Variants in DNAH8 observed in about 807,000 individuals in gnomAD.
DNAH8 encodes the protein dynein axonemal heavy chain 8, also known as axonemal beta dynein heavy chain 8.
In DNAH8, 382 loss-of-function variants were observed where a neutral mutation model predicts 562.1. The ratio of observed to expected loss-of-function variants is 0.68; its 90% CI spans 0.63 to 0.74. The LOEUF (loss-of-function observed/expected upper bound fraction) is 0.74. Among genes scored for constraint, DNAH8 ranks in the 30% least tolerant of loss-of-function variants. The pLI is 0.00. For missense variants in DNAH8, 5,203 were observed against 5,620.4 expected (o/e 0.93, Z 2.37); for synonymous variants, 1,881 against 1,919.4 (o/e 0.98, Z 0.52).
At chr6:38,742,684 G>C (rs375219725) in intron 8 of DNAH8, among the ~76,000 whole-genome samples, 17 of 152,132 alleles carry the variant, frequency 1.1e-4, no homozygotes, top group African/African-American at 4.1e-4. Flanking sequence ...GATTTAAGCA[G>C]TACGAATAAA....
At chr6:39,009,893 A>AAG (rs1561971996) in intron 89 of DNAH8, among the ~76,000 whole-genome samples, 5 of 152,006 alleles carry the variant, frequency 3.3e-5, no homozygotes, top group African/African-American at 1.2e-4. Flanking sequence ...ATATTTTTAA[A>AAG]TGGATAAATA....
chr6:38,978,137 C>T (rs1421293469), intron 85 of DNAH8, among the ~76,000 whole-genome samples: 57 of 152,182 alleles, frequency 3.7e-4, no homozygotes, highest in Non-Finnish European at 4.3e-4. Flanking sequence ...TTATATATAA[C>T]TCTGTGAGGT....
Position 38,737,966 on chromosome 6 carries a change from C to G in DNAH8, c.1110C>G (p.Ile370Met). 1 of 1,610,162 alleles carries G rather than the reference C, an allele frequency of 6.2e-7. No homozygotes were observed. The highest frequency in any genetic ancestry group is 1.1e-5 in the South Asian group (1 of 90,856). Reference sequence around the variant, plus strand: ...TGCTGATGGTATGGTACAAACAGATCGAACAGGTGAATTGACTCAAACAAT... The same window carrying G: ...TGCTGATGGTATGGTACAAACAGATGGAACAGGTGAATTGACTCAAACAAT... Reference protein sequence around the residue: ...EEVLMVWYKQIEQVLIESEQM... With the variant: ...EEVLMVWYKQMEQVLIESEQM... Residue 370 changes from isoleucine (I) to methionine (M), a missense_variant, in exon 7 of 93, where the codon ATC (isoleucine) becomes ATG (methionine). This residue lies in a region of DNAH8 where 556 missense variants were observed against 496.9 expected (regional missense o/e 1.12). Transcript: ENST00000327475.
intron 14 of DNAH8, among the ~76,000 whole-genome samples, chr6:38,778,674 T>C (rs1246799689): frequency 2.6e-5 from 4 of 152,180 alleles, no homozygotes; most frequent in Non-Finnish European, 5.9e-5. Context: ...TAGCAGAAAG[T>C]CTTTCAACAA....
intron 92 of DNAH8, among the ~76,000 whole-genome samples, chr6:39,027,012 G>A (rs1326793696): frequency 3.9e-5 from 6 of 152,132 alleles, no homozygotes; most frequent in African/African-American, 1.4e-4. Context: ...CTTGAGCCCA[G>A]GAGTTCAAGA....
chr6:38,837,029 T>A lies in DNAH8; in HGVS notation c.4366-913T>A, dbSNP rs190361582. 1.2e-3 allele frequency among the ~76,000 whole-genome samples: 176 copies of A among 152,266 alleles called. 1 individual carries two copies. The highest frequency in any genetic ancestry group is 3.8e-3 in the African/African-American group (159 of 41,554). Reference sequence around the variant, plus strand: ...AGTGTTCACATAGTCCCACTCTTCATAGTGAAGAGTCCTATGGACTCTTCA... The same window carrying A: ...AGTGTTCACATAGTCCCACTCTTCAAAGTGAAGAGTCCTATGGACTCTTCA... On this transcript the variant is annotated intron_variant, in intron 32 of 92. Transcript: ENST00000327475.
Position 38,737,215 on chromosome 6 carries a change from T to C in DNAH8, c.911T>C (p.Ile304Thr), listed in dbSNP as rs138258349. The part of the protein sequence containing the change: ...QSKQGESEKH[I>T]FTETINRYLS... Reference sequence around the variant, plus strand: ...AAGCAGGGAGAATCTGAAAAACATATTTTCACTGAAACCATCAACAGATAT... The same window carrying C: ...AAGCAGGGAGAATCTGAAAAACATACTTTCACTGAAACCATCAACAGATAT... Residue 304 changes from isoleucine to threonine, a missense_variant, in exon 6 of 93, where the codon ATT (isoleucine) becomes ACT (threonine). Coordinates refer to ENST00000327475, the MANE Select transcript of DNAH8 (RefSeq NM_001206927.2). The C allele has an allele frequency of 5.0e-5, 76 of 1,520,660 alleles. No homozygotes were observed. In the African/African-American group the frequency reaches 1.0e-3, roughly 20 times the overall value. The allele number at this position is 1,520,660 out of a possible 1,614,324, so 94.2% of individuals were successfully genotyped here.
chr6:38,861,056 C>A (rs1024215387), intron 43 of DNAH8, among the ~76,000 whole-genome samples: 2 of 151,112 alleles, frequency 1.3e-5, no homozygotes, highest in African/African-American at 4.9e-5. Flanking sequence ...CGTCACAATT[C>A]TTTCCATTAT....
intron 26 of DNAH8, among the ~76,000 whole-genome samples, chr6:38,822,025 G>T (rs1772901702): frequency 6.6e-6 from 1 of 152,136 alleles, no homozygotes; most frequent in South Asian, 2.1e-4. Context: ...TACATATAGT[G>T]ATACACAGGC....
chr6:39,004,641 T>C (rs1765691904), intron 88 of DNAH8, among the ~76,000 whole-genome samples: 1 of 152,222 alleles, frequency 6.6e-6, no homozygotes, highest in Non-Finnish European at 1.5e-5. Context: ...AATATAACGT[T>C]ATAAGATTTC....
chr6:38,918,025 A>T lies in DNAH8; in HGVS notation c.10409A>T (p.Asp3470Val), dbSNP rs772344943. ...TTACTACAGCCATATTTTAATATGG[A>T]TGATTATACTTTTGAAAGTGCCAAA... ...VELLQPYFNM[D>V]DYTFESAKKV... Residue 3470 changes from aspartate to valine, a missense_variant, in exon 70 of 93, where the codon GAT becomes GTT. Around this residue, in one of 6 missense-constraint regions of DNAH8, gnomAD observed 1,399 missense variants for 1,518.4 expected, o/e 0.92. Transcript: ENST00000327475. 1 of 1,613,158 alleles carries T rather than the reference A, an allele frequency of 6.2e-7. No homozygotes were observed. The highest frequency in any genetic ancestry group is 1.3e-5 in the African/African-American group (1 of 74,882).
At chr6:38,794,345 C>T (rs963890264) in intron 21 of DNAH8, among the ~76,000 whole-genome samples, 1 of 151,754 alleles carries the variant, frequency 6.6e-6, no homozygotes, top group African/African-American at 2.4e-5. Flanking sequence ...AAAACAAAGC[C>T]CATAGAAGCT....
At chr6:38,834,482 A>G in intron 31 of DNAH8, 97 bp from the exon 32 acceptor site, 1 of 783,886 alleles carries the variant, frequency 1.3e-6, no homozygotes, top group Non-Finnish European at 2.0e-6. Context: ...AATTAAAAAA[A>G]TGCTTGTTTA....
At chr6:39,002,376 G>C (rs891612244) in intron 88 of DNAH8, among the ~76,000 whole-genome samples, 2 of 152,052 alleles carry the variant, frequency 1.3e-5, no homozygotes, top group Non-Finnish European at 2.9e-5. Context: ...ATAGTAACAT[G>C]TGGATCCTTG....
At chr6:38,923,344 A>T (rs1344444010) in intron 72 of DNAH8, 159 bp downstream of exon 72, 2 of 831,720 alleles carry the variant, frequency 2.4e-6, no homozygotes, top group African/African-American at 3.5e-5. Context: ...GGTGAAGAAG[A>T]TTTTGTGAAA....
intron 85 of DNAH8, among the ~76,000 whole-genome samples, chr6:38,979,527 T>A (rs1208439783): frequency 6.6e-6 from 1 of 152,204 alleles, no homozygotes; most frequent in Admixed American, 6.5e-5. Flanking sequence ...AGCAAGAAGA[T>A]GAAATGACTT....
rs1400890382 is a variant in DNAH8 at position 38,789,883 on chromosome 6, G to C, written c.2664G>C (p.Lys888Asn). The C allele has an allele frequency of 1.2e-6, 2 of 1,605,222 alleles. No individual in the cohort carries two copies. The highest frequency in any genetic ancestry group is 1.7e-6 in the Non-Finnish European group (2 of 1,172,930). ...FVNLMTPKMK[K>N]VESVLRQGLT... ...ATCTGATGACCCCAAAAATGAAAAA[G>C]GTTGGTATTGCTGAAGGTTTGTATT... Residue 888 changes from lysine to asparagine, a missense_variant and splice_region_variant, in exon 19 of 93, where the codon AAG becomes AAC. Lys to Asn is a moderately conservative substitution (Grantham distance 94). Around this residue, in one of 6 missense-constraint regions of DNAH8, gnomAD observed 2,176 missense variants for 2,365.1 expected, o/e 0.92. Coordinates refer to ENST00000327475, the MANE Select transcript of DNAH8 (RefSeq NM_001206927.2).
At chr6:38,718,020 ATGTGTC>A (rs1358092848) in intron 1 of DNAH8, among the ~76,000 whole-genome samples, 2 of 152,134 alleles carry the variant, frequency 1.3e-5, no homozygotes, top group East Asian at 3.8e-4. Context: ...TTATGTAACG[ATGTGTC>A]TTGGAGAGTT....
At chr6:38,797,347 C>T (rs181978853) in intron 21 of DNAH8, among the ~76,000 whole-genome samples, 4 of 152,326 alleles carry the variant, frequency 2.6e-5, no homozygotes, top group Admixed American at 2.6e-4. Flanking sequence ...GTGAAACTCA[C>T]TCATTTCCTG....
Sources: allele counts gnomAD v4.1 joint callset (sites outside exome capture counted in the v4.1 genomes callset), GRCh38; gene constraint gnomAD v4.1.1; regional missense constraint gnomAD v4.1.1; transcripts MANE v1.5; gene names NCBI Gene and HGNC (gene_info 2026-07-23, HGNC 2026-07-21).